The following STARD3 variants were observed in gnomAD, a reference collection of about 807,000 sequenced individuals.
STARD3 encodes the protein stAR-related lipid transfer protein 3.
In STARD3, 39 loss-of-function variants were observed where a neutral mutation model predicts 62.0. The ratio of observed to expected loss-of-function variants is 0.63; its 90% CI spans 0.49 to 0.82. The LOEUF (loss-of-function observed/expected upper bound fraction) is 0.82, where lower values mean the gene tolerates loss of function less well. Among genes scored for constraint, STARD3 ranks in the 40% least tolerant of loss-of-function variants. STARD3 has a pLI of 0.00. For missense variants in STARD3, 543 were observed against 584.5 expected, an observed-to-expected ratio of 0.93 and a Z score of 0.73; for synonymous variants, 229 against 242.4, an observed-to-expected ratio of 0.94 and a Z score of 0.51.
At chr17:39,638,843 ATAAAT>A (rs1471648716) in intron 1 of STARD3, among the ~76,000 whole-genome samples, 1 of 152,260 alleles carries the variant, frequency 6.6e-6, no homozygotes, top group Non-Finnish European at 1.5e-5. Context: ...AGAATGCTCA[ATAAAT>A]TAAAGTGAGT....
At chr17:39,659,143 A>T (rs2057166173) in intron 8 of STARD3, 37 bp downstream of exon 8, 2 of 1,613,672 alleles carry the variant, frequency 1.2e-6, no homozygotes, top group African/African-American at 1.3e-5. Context: ...TGCCCTTGGA[A>T]TGGGTGCCTG....
Position 39,652,689 on chromosome 17 carries a change from G to A in STARD3, c.-51-792G>A, listed in dbSNP as rs545246819. Reference sequence around the variant, plus strand: ...GCGGTGGCAGCAAGACAGAGAGAAGGGCTGGGCAGAGGCCACCTGCAGGCC... The same window carrying A: ...GCGGTGGCAGCAAGACAGAGAGAAGAGCTGGGCAGAGGCCACCTGCAGGCC... On this transcript the variant is annotated intron_variant, in intron 1 of 14. Transcript: ENST00000336308. 37 of 152,918 alleles carry A rather than the reference G, an allele frequency of 2.4e-4. 1 individual carries two copies. In the South Asian group the frequency reaches 5.0e-3, roughly 20 times the overall value. The allele number at this position is 152,918 out of a possible 1,614,324, so 9.5% of individuals were successfully genotyped here.
rs764017032 is a variant in STARD3, at chr17:39,662,808, G to C, written c.1238G>C (p.Arg413Pro). The C allele has an allele frequency of 6.2e-7, 1 of 1,607,022 alleles. No homozygotes were observed. Among genetic ancestry groups the C allele is most frequent in the Non-Finnish European group, 8.5e-7 (1 of 1,177,000 alleles). Residue 413 changes from arginine (R) to proline (P), a missense_variant, in exon 15 of 15, where the codon CGC (arginine) becomes CCC (proline). By Grantham distance (103) the Arg-to-Pro change is moderately radical (BLOSUM62 -2). Coordinates refer to ENST00000336308, the MANE Select transcript of STARD3 (RefSeq NM_006804.4). Reference sequence around the variant, plus strand: ...CTTCTGCCTGCCTTCCCCCAGGGCCGCCTGCCCCGGTACCTCATCCACCAG... The same window carrying C: ...CTTCTGCCTGCCTTCCCCCAGGGCCCCCTGCCCCGGTACCTCATCCACCAG... ...VWILNTDLKG[R>P]LPRYLIHQSL...
intron 6 of STARD3, 49 bp from the exon 7 acceptor site, chr17:39,658,673 C>T: frequency 6.2e-7 from 1 of 1,603,892 alleles, no homozygotes; most frequent in Non-Finnish European, 8.5e-7. Context: ...GTACCCCAGG[C>T]TGCTAGGGTG....
At chr17:39,657,625 T>C (rs969946048) in intron 3 of STARD3, 150 bp from the exon 4 acceptor site, 16 of 776,114 alleles carry the variant, frequency 2.1e-5, no homozygotes, top group Admixed American at 4.3e-5. Flanking sequence ...ATCCAAATTG[T>C]CCCAGAGACA....
At chr17:39,657,403 C>T (rs1216888478) in intron 3 of STARD3, among the ~76,000 whole-genome samples, 1 of 151,926 alleles carries the variant, frequency 6.6e-6, no homozygotes, top group Non-Finnish European at 1.5e-5. Context: ...GGTTCGCACC[C>T]ATAATCCCAG....
chr17:39,639,948 G>A (rs946094056), intron 1 of STARD3, among the ~76,000 whole-genome samples: 1 of 152,174 alleles, frequency 6.6e-6, no homozygotes, highest in Non-Finnish European at 1.5e-5. Flanking sequence ...CCTTCTCTGG[G>A]AGCCCACGGT....
At chr17:39,659,920 T>C in intron 9 of STARD3, 1 of 545,810 alleles carries the variant, frequency 1.8e-6, no homozygotes, top group Non-Finnish European at 3.3e-6. Context: ...CCCCAGTCCC[T>C]CTCTCTGGCC....
At chr17:39,646,057 AT>A (rs377038436) in intron 1 of STARD3, among the ~76,000 whole-genome samples, 1 of 148,824 alleles carries the variant, frequency 6.7e-6, no homozygotes, top group East Asian at 2.0e-4. Context: ...ACACCCGGCT[AT>A]TTTTTGTAAT....
intron 1 of STARD3, chr17:39,652,522 GGGA>G (rs1351925199): frequency 6.6e-6 from 1 of 152,288 alleles, no homozygotes; most frequent in Non-Finnish European, 1.5e-5. Context: ...GCAGGAGGGT[GGGA>G]GGCTTTCTGA....
intron 1 of STARD3, among the ~76,000 whole-genome samples, chr17:39,639,575 G>T (rs9896679): frequency 0.038 from 5,833 of 152,286 alleles, 171 homozygotes; most frequent in African/African-American, 0.081. Context: ...ATGGTGGCTG[G>T]GTGGGGGAAC....
intron 1 of STARD3, among the ~76,000 whole-genome samples, chr17:39,645,818 G>A (rs1485948539): frequency 2.7e-5 from 4 of 149,494 alleles, no homozygotes; most frequent in African/African-American, 5.0e-5. Context: ...CTGACCAAGC[G>A]GTTACCATAC....
At chr17:39,661,325 C>A (rs80224232) in intron 13 of STARD3, 3 of 547,928 alleles carry the variant, frequency 5.5e-6, no homozygotes, top group Non-Finnish European at 6.6e-6. Context: ...GGATGTGCGG[C>A]GGTGGCTGGC....
At chr17:39,657,935 C>A (rs1216192996) in intron 4 of STARD3, 38 bp from the exon 5 acceptor site, 13 of 1,608,204 alleles carry the variant, frequency 8.1e-6, no homozygotes, top group Non-Finnish European at 9.3e-6. Flanking sequence ...CACTTCCCAG[C>A]CTCTGCCTTC....
At position 39,653,757 on chromosome 17, in the gene STARD3, G is replaced by C; in HGVS notation, c.219+7G>C. On this transcript the variant is annotated splice_region_variant and intron_variant, in intron 2 of 14. Coordinates refer to ENST00000336308, the MANE Select transcript of STARD3 (RefSeq NM_006804.4). ...CTGGATCATCGAACTGAATGTGAGT[G>C]GGGGCGAGGTGGGGGCACAGGCCAT... The C allele has an allele frequency of 6.2e-7, 1 of 1,613,876 alleles. No homozygotes were observed. Among genetic ancestry groups the C allele is most frequent in the Non-Finnish European group, 8.5e-7 (1 of 1,179,970 alleles).
Position 39,662,824 on chromosome 17 carries a change from C to T in STARD3, c.1254C>T (p.Leu418=). 1.9e-6 allele frequency: 3 copies of T among 1,611,256 alleles called. No individual in the cohort carries two copies. Among genetic ancestry groups the T allele is most frequent in the Non-Finnish European group, 2.5e-6 (3 of 1,179,000 alleles). The change falls in exon 15 of 15, where the codon CTC becomes CTT. Residue 418 remains leucine, a synonymous_variant. Transcript: ENST00000336308. ...TDLKGRLPRY[L]IHQSLAATMF... ...CCCAGGGCCGCCTGCCCCGGTACCTCATCCACCAGAGCCTCGCGGCCACCA... is the reference window on the plus strand; with the variant it reads ...CCCAGGGCCGCCTGCCCCGGTACCTTATCCACCAGAGCCTCGCGGCCACCA...
intron 1 of STARD3, among the ~76,000 whole-genome samples, chr17:39,640,295 CAGCAGGGATTTA>C (rs2056971896): frequency 6.6e-6 from 1 of 152,210 alleles, no homozygotes; most frequent in Non-Finnish European, 1.5e-5. Flanking sequence ...CAAGATCACT[CAGCAGGGATTTA>C]AAGAGCTGTC....
At chr17:39,655,632 A>G (rs2057119618) in intron 2 of STARD3, among the ~76,000 whole-genome samples, 1 of 152,222 alleles carries the variant, frequency 6.6e-6, no homozygotes, top group African/African-American at 2.4e-5. Flanking sequence ...TCCTGCACTG[A>G]ACAATTAGTA....
chr17:39,639,246 A>G (rs1490258592), intron 1 of STARD3, among the ~76,000 whole-genome samples: 4 of 152,238 alleles, frequency 2.6e-5, no homozygotes, highest in Non-Finnish European at 4.4e-5. Context: ...CTCTTTGCCA[A>G]TAAATAAAAT....
Sources: gnomAD v4.1 joint callset for allele counts (sites outside exome capture counted in the v4.1 genomes callset) on GRCh38, gnomAD v4.1.1 for gene constraint, MANE v1.5 for transcripts, NCBI Gene and HGNC (gene_info 2026-07-23, HGNC 2026-07-21) for gene names.